The following FABP12 variants were observed in gnomAD, a reference collection of about 807,000 sequenced individuals.
FABP12 encodes the protein fatty acid-binding protein 12.
Under a neutral mutation model 13.7 loss-of-function variants are expected in FABP12, and 19 were observed. The observed-to-expected ratio is 1.39, with a 90% CI of 0.97 to 2.04. The LOEUF (loss-of-function observed/expected upper bound fraction) is 2.04. FABP12 is among the 30% of genes most tolerant of loss of function. The pLI is 0.00. For missense variants in FABP12, 182 were observed against 164.2 expected, an observed-to-expected ratio of 1.11 and a Z score of -0.59; for synonymous variants, 61 against 57.0, an observed-to-expected ratio of 1.07 and a Z score of -0.32.
chr8:81,529,672 A>G, intron 2 of FABP12, 62 bp from the exon 3 acceptor site: 2 of 1,361,736 alleles, frequency 1.5e-6, no homozygotes, highest in South Asian at 2.7e-5. Context: ...ACATTACATT[A>G]CAATACAATA....
chr8:81,546,172 G>A (rs192548397), intron 1 of FABP12, among the ~76,000 whole-genome samples: 1 of 152,186 alleles, frequency 6.6e-6, no homozygotes, highest in Admixed American at 6.5e-5. Flanking sequence ...TTTTGCTTAT[G>A]TCTCTGTTAT....
intron 1 of FABP12, among the ~76,000 whole-genome samples, chr8:81,574,285 G>T (rs752266362): frequency 2.0e-5 from 3 of 152,134 alleles, no homozygotes; most frequent in Non-Finnish European, 2.9e-5. Context: ...AACCATCCCT[G>T]CATCCCTGGT....
chr8:81,528,556 TTAACAATCCTC>T (rs1808970919), intron 3 of FABP12, among the ~76,000 whole-genome samples: 1 of 152,280 alleles, frequency 6.6e-6, no homozygotes, highest in East Asian at 1.9e-4. Flanking sequence ...TCCATATAGT[TTAACAATCCTC>T]TATTGAGTTC....
intron 1 of FABP12, among the ~76,000 whole-genome samples, chr8:81,547,556 C>G (rs1481728435): frequency 6.6e-6 from 1 of 152,146 alleles, no homozygotes; most frequent in Non-Finnish European, 1.5e-5. Flanking sequence ...TGCAGCATAT[C>G]CTGTGATTAA....
chr8:81,545,510 G>T (rs1010558422), intron 1 of FABP12, among the ~76,000 whole-genome samples: 1 of 152,182 alleles, frequency 6.6e-6, no homozygotes, highest in Admixed American at 6.5e-5. Context: ...ATTTTGAAAA[G>T]ATTTGTGGTC....
chr8:81,525,695 T>C (rs1010819384), intron 4 of FABP12: 1 of 152,228 alleles, frequency 6.6e-6, no homozygotes, highest in Admixed American at 6.5e-5. Flanking sequence ...TGTTTATATA[T>C]GTATAAAGCA....
At chr8:81,583,397 CAA>C (rs1810196380) in intron 1 of FABP12, among the ~76,000 whole-genome samples, 1 of 151,700 alleles carries the variant, frequency 6.6e-6, no homozygotes, top group Non-Finnish European at 1.5e-5. Flanking sequence ...ATCAACAAAA[CAA>C]AAAGTTTGTT....
chr8:81,577,579 C>T (rs1295862625), intron 1 of FABP12, among the ~76,000 whole-genome samples: 1 of 151,930 alleles, frequency 6.6e-6, no homozygotes, highest in East Asian at 1.9e-4. Flanking sequence ...GTCAACAGGG[C>T]AAAACCTTGT....
intron 1 of FABP12, among the ~76,000 whole-genome samples, chr8:81,562,721 A>G (rs898388405): frequency 2.6e-5 from 4 of 151,950 alleles, no homozygotes; most frequent in African/African-American, 9.7e-5. Flanking sequence ...GAAGAACTTC[A>G]TCTTGTGGCT....
At chr8:81,587,098 G>A (rs1463488990) in intron 1 of FABP12, among the ~76,000 whole-genome samples, 1 of 152,130 alleles carries the variant, frequency 6.6e-6, no homozygotes, top group Non-Finnish European at 1.5e-5. Context: ...AGATCAGATG[G>A]TTGTAGGTGT....
intron 1 of FABP12, among the ~76,000 whole-genome samples, chr8:81,576,216 CA>C (rs1024823977): frequency 1.3e-5 from 2 of 152,028 alleles, no homozygotes; most frequent in Non-Finnish European, 2.9e-5. Flanking sequence ...ATAAGAAGCA[CA>C]AAAAAATCCC....
chr8:81,561,869 C>T (rs1183681050), intron 1 of FABP12, among the ~76,000 whole-genome samples: 1 of 152,092 alleles, frequency 6.6e-6, no homozygotes, highest in Non-Finnish European at 1.5e-5. Flanking sequence ...CCAGTCTAGG[C>T]CATAAGGACT....
intron 1 of FABP12, among the ~76,000 whole-genome samples, chr8:81,545,057 G>A (rs905539054): frequency 3.9e-5 from 6 of 152,136 alleles, no homozygotes; most frequent in Admixed American, 1.3e-4. Context: ...TTTCATTCTT[G>A]TTGCCCAGGC....
At chr8:81,544,458 G>T (rs1809402802) in intron 1 of FABP12, among the ~76,000 whole-genome samples, 1 of 152,082 alleles carries the variant, frequency 6.6e-6, no homozygotes, top group African/African-American at 2.4e-5. Flanking sequence ...TTTCTTACAA[G>T]GAAACTTGTC....
At chr8:81,568,325 T>C (rs907986404) in intron 1 of FABP12, among the ~76,000 whole-genome samples, 3 of 152,050 alleles carry the variant, frequency 2.0e-5, no homozygotes, top group African/African-American at 7.2e-5. Flanking sequence ...AAGATCTGAA[T>C]AGATATTTCT....
chr8:81,545,722 AT>A (rs1297809097), intron 1 of FABP12, among the ~76,000 whole-genome samples: 1 of 152,164 alleles, frequency 6.6e-6, no homozygotes, highest in Non-Finnish European at 1.5e-5. Flanking sequence ...CTGGTTTTCT[AT>A]TTTACAAGAT....
intron 1 of FABP12, among the ~76,000 whole-genome samples, chr8:81,541,034 G>C (rs1334872180): frequency 6.6e-6 from 1 of 151,950 alleles, no homozygotes; most frequent in African/African-American, 2.4e-5. Flanking sequence ...AGGTTTGGTG[G>C]TGGGTGCCTG....
At chr8:81,548,131 G>C (rs537250749) in intron 1 of FABP12, among the ~76,000 whole-genome samples, 2 of 152,156 alleles carry the variant, frequency 1.3e-5, no homozygotes, top group Non-Finnish European at 2.9e-5. Context: ...GAATCACCTG[G>C]AGAACTTCTA....
rs183854674 is a variant in FABP12 at position 81,526,728 on chromosome 8, C to G, written c.348+292G>C. Reference sequence around the variant, plus strand: ...AGTGGAGTAGAGGATTGGCAACAACCCTCAACCCCTGCTAAAATCTTCATT... The same window carrying G: ...AGTGGAGTAGAGGATTGGCAACAACGCTCAACCCCTGCTAAAATCTTCATT... On this transcript the variant is annotated intron_variant, in intron 4 of 4. Coordinates refer to ENST00000360464, the Ensembl canonical transcript of FABP12. Among the ~76,000 whole-genome samples the G allele has an allele frequency of 2.6e-5, 4 of 151,968 alleles. No individual in the cohort carries two copies. In the East Asian group the frequency reaches 7.7e-4, roughly 29 times the overall value.
Sources: allele counts gnomAD v4.1 joint callset (sites outside exome capture counted in the v4.1 genomes callset), GRCh38; gene constraint gnomAD v4.1.1; transcripts MANE v1.5; gene names NCBI Gene and HGNC (gene_info 2026-07-23, HGNC 2026-07-21).